Variants in RTL4 observed in about 807,000 individuals in gnomAD.
The protein encoded by RTL4 is retrotransposon Gag like 4.
RTL4 carries 4 observed loss-of-function variants against 5.3 expected under a neutral mutation model. The observed-to-expected ratio is 0.75, with a 90% CI of 0.37 to 1.72. The LOEUF (loss-of-function observed/expected upper bound fraction) is 1.72, where lower values mean the gene tolerates loss of function less well. Ranked by LOEUF, RTL4 falls within the 40% of genes most tolerant of loss-of-function variation. RTL4 has a pLI of 0.04. For synonymous variants in RTL4, 98 were observed against 87.3 expected (o/e 1.12, Z -0.68); for missense variants, 260 against 227.1 (o/e 1.14, Z -0.93).
chrX:112,180,872 T>G, the RTL4 span, among the ~76,000 whole-genome samples: 1 of 112,255 alleles, frequency 8.9e-6, no homozygotes, highest in East Asian at 2.8e-4. Context: ...ATCAGAAATT[T>G]AATTAGGATG....
At chrX:112,169,302 C>T in the RTL4 span, among the ~76,000 whole-genome samples, 15 of 108,140 alleles carry the variant, frequency 1.4e-4, no homozygotes, top group South Asian at 4.1e-4. Context: ...TTAGTAGAGA[C>T]GGGGTTTCTC....
At chrX:112,158,042 C>T in the RTL4 span, among the ~76,000 whole-genome samples, 1 of 111,165 alleles carries the variant, frequency 9.0e-6, no homozygotes, top group African/African-American at 3.3e-5. Context: ...ATCTAGCTTG[C>T]CTTTACCACA....
chrX:112,238,251 T>C, the RTL4 span, among the ~76,000 whole-genome samples: 1 of 112,254 alleles, frequency 8.9e-6, no homozygotes, highest in Non-Finnish European at 1.9e-5. Context: ...CATATTTTTA[T>C]GTCTATCACC....
chrX:112,100,608 C>G, the RTL4 span, among the ~76,000 whole-genome samples: 6 of 111,899 alleles, frequency 5.4e-5, no homozygotes, highest in African/African-American at 1.9e-4. Context: ...GGGGCATAAA[C>G]TAGATAGTGG....
At chrX:112,380,313 AT>A in the RTL4 span, among the ~76,000 whole-genome samples, 8 of 109,844 alleles carry the variant, frequency 7.3e-5, no homozygotes, top group Non-Finnish European at 1.5e-4. Context: ...CACCCAGCTA[AT>A]TTTGTTTTTG....
chrX:112,174,285 T>C, the RTL4 span, among the ~76,000 whole-genome samples: 1 of 88,000 alleles, frequency 1.1e-5, no homozygotes, highest in Non-Finnish European at 2.1e-5. Flanking sequence ...CCTGTGTCCA[T>C]GTGTTCTCAT....
At chrX:112,172,436 T>C in the RTL4 span, among the ~76,000 whole-genome samples, 4 of 111,806 alleles carry the variant, frequency 3.6e-5, no homozygotes, top group South Asian at 3.8e-4. Context: ...GAAATGCGTA[T>C]GAAAACCACA....
the RTL4 span, among the ~76,000 whole-genome samples, chrX:112,197,486 T>C: frequency 9.0e-6 from 1 of 111,038 alleles, no homozygotes; most frequent in Non-Finnish European, 1.9e-5. Flanking sequence ...TAGCCTTTAC[T>C]GGTGTGGGGG....
At chrX:112,305,329 G>GTATTT in the RTL4 span, among the ~76,000 whole-genome samples, 4,719 of 105,170 alleles carry the variant, frequency 0.045, 299 homozygotes, top group African/African-American at 0.14. Flanking sequence ...GCTAATTTTT[G>GTATTT]TATTTTATTT....
chrX:112,198,414 A>G, the RTL4 span, among the ~76,000 whole-genome samples: 1 of 111,715 alleles, frequency 9.0e-6, no homozygotes, highest in East Asian at 2.8e-4. Context: ...GAATGAATGT[A>G]TGAATGAATA....
chrX:112,382,019 A>C, the RTL4 span: 16 of 1,209,132 alleles, frequency 1.3e-5, no homozygotes, highest in Non-Finnish European at 1.8e-5. Flanking sequence ...ACTGCAGCTA[A>C]TTGAGCAAGC....
At chrX:112,317,019 G>T in the RTL4 span, among the ~76,000 whole-genome samples, 3 of 111,977 alleles carry the variant, frequency 2.7e-5, no homozygotes, top group South Asian at 1.1e-3. Context: ...ACCAAATAAA[G>T]GTCATTTATG....
chrX:112,108,557 A>C, the RTL4 span, among the ~76,000 whole-genome samples: 1 of 111,384 alleles, frequency 9.0e-6, no homozygotes, highest in East Asian at 2.9e-4. Flanking sequence ...ATGGGTCAAC[A>C]GGTGGGCAGG....
chrX:112,327,150 G>T, the RTL4 span, among the ~76,000 whole-genome samples: 1 of 112,332 alleles, frequency 8.9e-6, no homozygotes, highest in African/African-American at 3.2e-5. Flanking sequence ...AACAAAGCTG[G>T]ACGGAGAATG....
chrX:112,187,148 C>T, the RTL4 span, among the ~76,000 whole-genome samples: 1,687 of 112,160 alleles, frequency 0.015, 37 homozygotes, highest in African/African-American at 0.051. Context: ...GATAAAGGCT[C>T]TGCTGATATT....
the RTL4 span, among the ~76,000 whole-genome samples, chrX:112,330,160 G>A: frequency 2.0e-5 from 2 of 100,122 alleles, no homozygotes; most frequent in Admixed American, 1.1e-4. Context: ...TTCTGGCCAG[G>A]GCAATTAGGC....
the RTL4 span, among the ~76,000 whole-genome samples, chrX:112,253,420 T>G: frequency 8.9e-6 from 1 of 112,175 alleles, no homozygotes; most frequent in African/African-American, 3.2e-5. Flanking sequence ...TGGGAAGTCA[T>G]CCACTCTAGA....
the RTL4 span, among the ~76,000 whole-genome samples, chrX:112,416,640 T>C: frequency 8.9e-6 from 1 of 112,304 alleles, no homozygotes; most frequent in African/African-American, 3.2e-5. Flanking sequence ...CAAAGTGATA[T>C]AGAAATCAGG....
chrX:112,162,268 T>C, the RTL4 span, among the ~76,000 whole-genome samples: 3 of 111,729 alleles, frequency 2.7e-5, no homozygotes, highest in South Asian at 1.1e-3. Context: ...GAAACCTTTC[T>C]AAGGCAACAC....
Sources: gnomAD v4.1 joint callset for allele counts (sites outside exome capture counted in the v4.1 genomes callset) on GRCh38, gnomAD v4.1.1 for gene constraint, MANE v1.5 for transcripts, NCBI Gene and HGNC (gene_info 2026-07-23, HGNC 2026-07-21) for gene names.